Variants in ACACB observed in about 807,000 individuals in gnomAD.
The protein encoded by ACACB is acetyl-CoA carboxylase 2.
ACACB carries 209 observed loss-of-function variants against 278.8 expected under a neutral mutation model. The observed-to-expected ratio is 0.75, with a 90% CI of 0.67 to 0.84. The LOEUF is 0.84. ACACB is among the 40% of genes least tolerant of loss of function. The pLI, the probability that ACACB is intolerant of heterozygous loss-of-function variation, is 0.00. For missense variants in ACACB, 2,850 were observed against 3,269.0 expected (o/e 0.87, Z 3.13); for synonymous variants, 1,174 against 1,285.6 (o/e 0.91, Z 1.86).
At chr12:109,170,928 C>T (rs1016127341) in intron 4 of ACACB, among the ~76,000 whole-genome samples, 8 of 151,582 alleles carry the variant, frequency 5.3e-5, no homozygotes, top group Non-Finnish European at 1.2e-4. Flanking sequence ...CCTCGACCTT[C>T]TAGGCTCAAG....
intron 37 of ACACB, among the ~76,000 whole-genome samples, chr12:109,244,938 G>A (rs989329726): frequency 1.3e-5 from 2 of 152,098 alleles, no homozygotes; most frequent in Non-Finnish European, 2.9e-5. Context: ...GGTGGCTCAC[G>A]CCTGTAATCC....
At chr12:109,240,588 A>G (rs531043114) in intron 35 of ACACB, among the ~76,000 whole-genome samples, 3 of 148,092 alleles carry the variant, frequency 2.0e-5, no homozygotes, top group South Asian at 2.1e-4. Flanking sequence ...ATATAAATGT[A>G]TTTTATTTTA....
At chr12:109,251,159 A>G (rs2136752723) in intron 41 of ACACB, among the ~76,000 whole-genome samples, 2 of 152,280 alleles carry the variant, frequency 1.3e-5, no homozygotes, top group South Asian at 4.1e-4. Context: ...CCACCCACCC[A>G]GCTCCTGAGA....
intron 22 of ACACB, among the ~76,000 whole-genome samples, chr12:109,216,219 C>CTTTT (rs1194453989): frequency 1.9e-4 from 24 of 128,132 alleles, no homozygotes; most frequent in African/African-American, 2.5e-4. Flanking sequence ...CTCTCTCTCT[C>CTTTT]TTTTTTTTTT....
chr12:109,247,966 C>T (rs2046994274), intron 40 of ACACB, among the ~76,000 whole-genome samples: 1 of 152,248 alleles, frequency 6.6e-6, no homozygotes, highest in Non-Finnish European at 1.5e-5. Context: ...TCGTGAATCT[C>T]CTAGGAGCCG....
intron 2 of ACACB, among the ~76,000 whole-genome samples, chr12:109,159,768 G>A (rs1260100778): frequency 6.6e-6 from 1 of 151,862 alleles, no homozygotes; most frequent in African/African-American, 2.4e-5. Context: ...TCCAGGTATT[G>A]CTCCCCGGGG....
At chr12:109,187,978 C>T (rs762590433) in intron 12 of ACACB, 21 bp from the exon 13 acceptor site, 28 of 1,577,914 alleles carry the variant, frequency 1.8e-5, no homozygotes, top group Non-Finnish European at 2.4e-5. Context: ...TTCCATTTTG[C>T]ATTTTCTGTC....
rs981830602 is a variant in ACACB at position 109,241,250 on chromosome 12, A to T, written c.4991A>T (p.Tyr1664Phe). Residue 1664 changes from tyrosine to phenylalanine, a missense_variant, in exon 36 of 53, where the codon TAC (tyrosine) becomes TTC (phenylalanine). Physicochemically the swap from Tyr to Phe is conservative, Grantham distance 22. Transcript: ENST00000338432. ...GGCTACTACCTGGACATCAGCCTCT[A>T]CAAAGAAGTGACTGACTCCAGATCT... ...ESGYYLDISL[Y>F]KEVTDSRSGN... 6.2e-7 allele frequency: 1 copy of T among 1,614,064 alleles called. No homozygotes were observed. The highest frequency in any genetic ancestry group is 1.3e-5 in the African/African-American group (1 of 74,938).
chr12:109,145,923 C>T (rs951056570), intron 2 of ACACB, among the ~76,000 whole-genome samples: 3 of 151,912 alleles, frequency 2.0e-5, no homozygotes, highest in African/African-American at 4.8e-5. Context: ...TTAGGAGAAT[C>T]ACTTGAACCT....
intron 24 of ACACB, among the ~76,000 whole-genome samples, chr12:109,218,649 G>A (rs542824662): frequency 2.3e-4 from 35 of 150,272 alleles, no homozygotes; most frequent in African/African-American, 8.0e-4. Flanking sequence ...AAGGGGTTTG[G>A]CAATTTTTTT....
At chr12:109,145,143 C>T (rs1593397931) in intron 2 of ACACB, among the ~76,000 whole-genome samples, 1 of 150,046 alleles carries the variant, frequency 6.7e-6, no homozygotes, top group Non-Finnish European at 1.5e-5. Context: ...GTACACTGGA[C>T]CCCTTCTGAT....
At chr12:109,194,376 A>G (rs997435162) in intron 16 of ACACB, among the ~76,000 whole-genome samples, 9 of 152,120 alleles carry the variant, frequency 5.9e-5, no homozygotes, top group African/African-American at 2.2e-4. Flanking sequence ...TTGTATTTTT[A>G]GTAGAAATGG....
chr12:109,254,203 T>C lies in ACACB; in HGVS notation c.6046-11T>C. 1.2e-6 allele frequency: 2 copies of C among 1,613,568 alleles called. No individual in the cohort carries two copies. Among genetic ancestry groups the C allele is most frequent in the Non-Finnish European group, 1.7e-6 (2 of 1,179,756 alleles). On this transcript the variant is annotated splice_polypyrimidine_tract_variant and intron_variant, in intron 43 of 52. Transcript: ENST00000338432. The stretch of plus-strand genomic sequence containing the variant: ...CACAGACTAAGTCAGAGACTTGGCT[T>C]TCTTTTTTAGGATAATCACAGCCCT...
chr12:109,185,537 T>C (rs2044624464), intron 11 of ACACB, 42 bp from the exon 12 acceptor site: 4 of 1,609,698 alleles, frequency 2.5e-6, no homozygotes, highest in Non-Finnish European at 3.4e-6. Context: ...GGCCGTGTTC[T>C]GGTAGGACTG....
At position 109,233,842 on chromosome 12, in the gene ACACB, T is replaced by C. The variant is rs1421935887; in HGVS notation, c.4234T>C (p.Cys1412Arg). ...ARTSLYSEDD[C>R]KSLREEPIHI... ...CACCTCCCTATACTCCGAGGATGAC[T>C]GCAAGGTAAGCGTCTAAGCCCAGGG... The change falls in exon 30 of 53, where the codon TGC (cysteine) becomes CGC (arginine). Residue 1412 changes from cysteine (C) to arginine (R), a missense_variant. Physicochemically the swap from Cys to Arg is radical, Grantham distance 180 (BLOSUM62 -3). Coordinates refer to ENST00000338432, the MANE Select transcript of ACACB (RefSeq NM_001093.4). The C allele has an allele frequency of 3.1e-6, 5 of 1,614,046 alleles. No homozygotes were observed. The highest frequency in any genetic ancestry group is 2.2e-5 in the East Asian group (1 of 44,890).
chr12:109,251,424 A>G (rs1181296822), intron 41 of ACACB, among the ~76,000 whole-genome samples: 1 of 152,202 alleles, frequency 6.6e-6, no homozygotes, highest in African/African-American at 2.4e-5. Flanking sequence ...TTGTACATGC[A>G]ATGTTGAATC....
intron 15 of ACACB, 61 bp from the exon 16 acceptor site, chr12:109,193,587 G>T (rs1450424472): frequency 6.7e-6 from 9 of 1,336,780 alleles, no homozygotes; most frequent in Admixed American, 1.7e-5. Context: ...TAAATGCAAG[G>T]GATGGCTGTG....
At chr12:109,187,925 C>A in intron 12 of ACACB, 74 bp from the exon 13 acceptor site, 1 of 1,527,862 alleles carries the variant, frequency 6.5e-7, no homozygotes, top group South Asian at 1.3e-5. Context: ...TGGGTTTTCC[C>A]AGGACTGAAT....
intron 19 of ACACB, among the ~76,000 whole-genome samples, chr12:109,205,584 G>A (rs777249812): frequency 1.3e-5 from 2 of 151,942 alleles, no homozygotes; most frequent in Admixed American, 6.6e-5. Context: ...GGAGTAGCTC[G>A]GATTACAGGC....
Sources: allele counts gnomAD v4.1 joint callset (sites outside exome capture counted in the v4.1 genomes callset), GRCh38; gene constraint gnomAD v4.1.1; transcripts MANE v1.5; gene names NCBI Gene and HGNC (gene_info 2026-07-23, HGNC 2026-07-21).